Variants in GALNT13 observed in about 807,000 individuals in gnomAD.
GALNT13 encodes polypeptide N-acetylgalactosaminyltransferase 13.
A neutral mutation model predicts 64.2 loss-of-function variants in GALNT13; 28 were observed. That is an observed-to-expected ratio of 0.44 (90% CI 0.32 to 0.60). GALNT13 has a LOEUF of 0.60. GALNT13 is among the 20% of genes least tolerant of loss of function. The pLI is 0.05. For synonymous variants in GALNT13, 214 were observed against 224.6 expected, an observed-to-expected ratio of 0.95 and a Z score of 0.42; for missense variants, 577 against 669.8, an observed-to-expected ratio of 0.86 and a Z score of 1.53.
chr2:153,405,819 A>G, the GALNT13 span, among the ~76,000 whole-genome samples: 43 of 152,176 alleles, frequency 2.8e-4, no homozygotes, highest in African/African-American at 4.6e-4. Context: ...GGTGGCATAT[A>G]TGAACTGCCC....
At chr2:153,413,092 G>C in the GALNT13 span, among the ~76,000 whole-genome samples, 1 of 152,114 alleles carries the variant, frequency 6.6e-6, no homozygotes, top group Admixed American at 6.6e-5. Flanking sequence ...AGCCCAAAAG[G>C]GGAGAGTTGG....
At chr2:153,573,751 C>G in the GALNT13 span, among the ~76,000 whole-genome samples, 1 of 152,060 alleles carries the variant, frequency 6.6e-6, no homozygotes, top group African/African-American at 2.4e-5. Flanking sequence ...TTCATCCCCC[C>G]ACTTTTTAAC....
chr2:153,354,703 AT>A, the GALNT13 span, among the ~76,000 whole-genome samples: 5 of 152,088 alleles, frequency 3.3e-5, no homozygotes, highest in African/African-American at 1.2e-4. Flanking sequence ...CCAACCCAGC[AT>A]TTTTTGGTCC....
At chr2:153,504,133 T>C in the GALNT13 span, among the ~76,000 whole-genome samples, 3 of 152,334 alleles carry the variant, frequency 2.0e-5, no homozygotes, top group Non-Finnish European at 4.4e-5. Flanking sequence ...CTAAGTATTT[T>C]ATTTTTTGCT....
At chr2:153,324,471 T>C in the GALNT13 span, among the ~76,000 whole-genome samples, 2 of 152,220 alleles carry the variant, frequency 1.3e-5, no homozygotes, top group Admixed American at 1.3e-4. Context: ...CTCTTCCTTG[T>C]GAATACCCTC....
In GALNT13 at chr2:154,450,638, G is replaced by A; in HGVS notation, c.*87G>A. 1 of 1,247,674 alleles carries A rather than the reference G, an allele frequency of 8.0e-7. No individual in the cohort carries two copies. Among genetic ancestry groups the A allele is most frequent in the Non-Finnish European group, 1.1e-6 (1 of 923,476 alleles). 77.3% of individuals were successfully genotyped at this position (1,247,674 alleles called of 1,614,324 possible). A position where few individuals can be genotyped will look rare whatever the true frequency, so the allele number is the denominator to read the frequency against. Reference sequence around the variant, plus strand: ...GGGAAAATATTAACTTTGCTGAATTGAAAGTTTTAAAAATCCTTTTAGTAT... The same window carrying A: ...GGGAAAATATTAACTTTGCTGAATTAAAAGTTTTAAAAATCCTTTTAGTAT... On this transcript the variant is annotated 3_prime_UTR_variant, in exon 13 of 13. Transcript: ENST00000392825.
chr2:154,130,977 CAA>C (rs1160126483), intron 3 of GALNT13, among the ~76,000 whole-genome samples: 1 of 151,046 alleles, frequency 6.6e-6, no homozygotes, highest in African/African-American at 2.4e-5. Context: ...ATGGTTATTT[CAA>C]AAAAAAATTT....
At chr2:153,790,999 T>G in the GALNT13 span, among the ~76,000 whole-genome samples, 1 of 152,066 alleles carries the variant, frequency 6.6e-6, no homozygotes, top group Non-Finnish European at 1.5e-5. Flanking sequence ...ACTAAAAGCA[T>G]GGCAACAAAA....
the GALNT13 span, among the ~76,000 whole-genome samples, chr2:153,366,827 C>T: frequency 6.6e-6 from 1 of 150,952 alleles, no homozygotes; most frequent in Admixed American, 6.6e-5. Context: ...ATCTTGAAGG[C>T]AGTCATAGAC....
At chr2:153,857,497 T>G in the GALNT13 span, among the ~76,000 whole-genome samples, 2 of 152,110 alleles carry the variant, frequency 1.3e-5, no homozygotes, top group Non-Finnish European at 2.9e-5. Flanking sequence ...TAGGCAGCTG[T>G]GAGAGAAGCA....
the GALNT13 span, among the ~76,000 whole-genome samples, chr2:153,723,280 A>G: frequency 3.3e-5 from 5 of 150,210 alleles, no homozygotes; most frequent in South Asian, 1.1e-3. Flanking sequence ...CTCTCAATAA[A>G]TTAGGTATTG....
At chr2:153,153,265 A>C in the GALNT13 span, among the ~76,000 whole-genome samples, 2 of 151,818 alleles carry the variant, frequency 1.3e-5, no homozygotes, top group Non-Finnish European at 2.9e-5. Flanking sequence ...TGTTCCTGTA[A>C]ATTTGTTTAA....
the GALNT13 span, among the ~76,000 whole-genome samples, chr2:153,538,515 A>T: frequency 1.1e-5 from 1 of 90,018 alleles, no homozygotes; most frequent in Non-Finnish European, 2.1e-5. Flanking sequence ...AGCATTAGGT[A>T]TATCTCCCAA....
At chr2:153,371,488 T>C in the GALNT13 span, among the ~76,000 whole-genome samples, 3 of 152,162 alleles carry the variant, frequency 2.0e-5, no homozygotes, top group Non-Finnish European at 4.4e-5. Context: ...TAAGGTACAA[T>C]GTCAAAACTA....
At chr2:153,129,730 A>T in the GALNT13 span, among the ~76,000 whole-genome samples, 1 of 152,026 alleles carries the variant, frequency 6.6e-6, no homozygotes, top group East Asian at 1.9e-4. Context: ...AGATCGTGCC[A>T]CTGCACTCCA....
At chr2:153,940,014 T>G (rs1302890621) in intron 2 of GALNT13, among the ~76,000 whole-genome samples, 1 of 152,176 alleles carries the variant, frequency 6.6e-6, no homozygotes, top group African/African-American at 2.4e-5. Flanking sequence ...GAATTGAATT[T>G]TAGCGTATCA....
At chr2:153,594,269 C>G in the GALNT13 span, among the ~76,000 whole-genome samples, 2 of 152,038 alleles carry the variant, frequency 1.3e-5, no homozygotes, top group African/African-American at 4.8e-5. Flanking sequence ...TAAAACTGTT[C>G]TAATAAAGGT....
chr2:154,205,746 G>A (rs981663902), intron 4 of GALNT13, among the ~76,000 whole-genome samples: 8 of 152,048 alleles, frequency 5.3e-5, no homozygotes, highest in Non-Finnish European at 1.0e-4. Context: ...ATCAGATCTC[G>A]TGAGACTCAT....
chr2:153,614,163 T>A, the GALNT13 span, among the ~76,000 whole-genome samples: 1 of 151,972 alleles, frequency 6.6e-6, no homozygotes, highest in African/African-American at 2.4e-5. Context: ...AAAAACCCAA[T>A]GTCTAGGAAT....
Sources: gnomAD v4.1 joint callset for allele counts (sites outside exome capture counted in the v4.1 genomes callset) on GRCh38, gnomAD v4.1.1 for gene constraint, MANE v1.5 for transcripts, NCBI Gene and HGNC (gene_info 2026-07-23, HGNC 2026-07-21) for gene names.